Variants in RAD51B observed in about 807,000 individuals in gnomAD.
The protein encoded by RAD51B is RAD51 paralog B, also known as DNA repair protein RAD51 homolog 2.
In RAD51B, 38 loss-of-function variants were observed where a neutral mutation model predicts 42.2. The ratio of observed to expected loss-of-function variants is 0.90; its 90% confidence interval spans 0.70 to 1.18. The LOEUF (loss-of-function observed/expected upper bound fraction) is 1.18, where lower values mean the gene tolerates loss of function less well. Ranked by LOEUF, RAD51B falls within the 50% of genes most tolerant of loss-of-function variation. The pLI is 0.00. For missense variants in RAD51B, 373 were observed against 400.7 expected, an observed-to-expected ratio of 0.93 and a Z score of 0.59; for synonymous variants, 154 against 145.2, an observed-to-expected ratio of 1.06 and a Z score of -0.43.
At chr14:68,650,832 A>G (rs769649215) in exon 11 of RAD51B, 74 of 760,348 alleles carry the variant, frequency 9.7e-5, no homozygotes, top group Non-Finnish European at 1.1e-4. Context: ...AGACTAAAAG[A>G]AAATGAGTCC....
intron 8 of RAD51B, among the ~76,000 whole-genome samples, chr14:68,362,652 A>G (rs1254990521): frequency 1.3e-5 from 2 of 152,162 alleles, no homozygotes; most frequent in Non-Finnish European, 2.9e-5. Flanking sequence ...GATCGAGACC[A>G]TCCTGGCTAA....
chr14:67,906,972 G>A (rs2043800589), intron 7 of RAD51B, among the ~76,000 whole-genome samples: 1 of 151,952 alleles, frequency 6.6e-6, no homozygotes, highest in African/African-American at 2.4e-5. Flanking sequence ...ACCATACCCG[G>A]CTAATTTTGT....
At chr14:68,228,182 A>G (rs903473656) in intron 7 of RAD51B, among the ~76,000 whole-genome samples, 1 of 152,160 alleles carries the variant, frequency 6.6e-6, no homozygotes, top group African/African-American at 2.4e-5. Context: ...CCCAAAGCCC[A>G]TGATCACTAT....
rs139483559 is a variant in RAD51B, at chr14:68,561,280, G to A, written c.1037-33205G>A. ...GGACCTCAAATTTAAGGATCATTTA[G>A]GGGGCTTATTAAAAATATCGGTTTC... is the stretch of plus-strand genomic sequence containing the variant. On this transcript the variant is annotated intron_variant, in intron 10 of 10. Coordinates refer to the RAD51B transcript ENST00000487270. 2.8e-3 allele frequency among the ~76,000 whole-genome samples: 424 copies of A among 152,286 alleles called. 2 individuals carry two copies. The highest frequency in any genetic ancestry group is 9.9e-3 in the African/African-American group (410 of 41,550).
intron 4 of RAD51B, among the ~76,000 whole-genome samples, chr14:67,847,444 G>A (rs566439172): frequency 1.2e-3 from 177 of 145,324 alleles, no homozygotes; most frequent in African/African-American, 4.3e-3. Context: ...TCTTAATACT[G>A]CTTTAGCTGC....
At chr14:67,833,765 T>G (rs1191856158) in intron 3 of RAD51B, among the ~76,000 whole-genome samples, 1 of 152,216 alleles carries the variant, frequency 6.6e-6, no homozygotes, top group African/African-American at 2.4e-5. Context: ...AGTGAAACCG[T>G]GGATAAGGGG....
chr14:68,083,805 T>C (rs1222978339), intron 7 of RAD51B, among the ~76,000 whole-genome samples: 2 of 152,196 alleles, frequency 1.3e-5, no homozygotes, highest in African/African-American at 2.4e-5. Flanking sequence ...TTATTTTTTA[T>C]CTTGAGAATG....
chr14:68,646,447 C>T (rs183166148), intron 10 of RAD51B, among the ~76,000 whole-genome samples: 41 of 152,222 alleles, frequency 2.7e-4, no homozygotes, highest in African/African-American at 9.4e-4. Flanking sequence ...CTTGTCAAGC[C>T]ATAAGAACTC....
At chr14:68,178,149 G>A (rs1054154660) in intron 7 of RAD51B, among the ~76,000 whole-genome samples, 1 of 151,810 alleles carries the variant, frequency 6.6e-6, no homozygotes, top group Non-Finnish European at 1.5e-5. Context: ...ATCTCTTTGC[G>A]GATCAAACAC....
At chr14:68,648,053 G>T (rs1210378174) in intron 10 of RAD51B, among the ~76,000 whole-genome samples, 2 of 77,388 alleles carry the variant, frequency 2.6e-5, no homozygotes, top group South Asian at 4.5e-4. Flanking sequence ...GTATATAGAT[G>T]TGTGTGTGTA....
chr14:68,456,642 T>G (rs1033060508), intron 9 of RAD51B, among the ~76,000 whole-genome samples: 3 of 152,074 alleles, frequency 2.0e-5, no homozygotes, highest in African/African-American at 7.2e-5. Context: ...AGCTGGAGGC[T>G]TCAATACCCC....
chr14:68,223,189 T>C (rs1018723657), intron 7 of RAD51B, among the ~76,000 whole-genome samples: 2 of 152,238 alleles, frequency 1.3e-5, no homozygotes, highest in Non-Finnish European at 2.9e-5. Flanking sequence ...CCCTCGTCCT[T>C]TCCTCCCATT....
chr14:68,673,790 A>G (rs117427424), intron 11 of RAD51B, among the ~76,000 whole-genome samples: 17,877 of 150,820 alleles, frequency 0.12, 1,192 homozygotes, highest in Middle Eastern at 0.19. Context: ...TACACATACT[A>G]TATGCACACA....
At chr14:68,653,663 C>T (rs1892749154) in intron 11 of RAD51B, among the ~76,000 whole-genome samples, 1 of 152,218 alleles carries the variant, frequency 6.6e-6, no homozygotes, top group African/African-American at 2.4e-5. Context: ...GAGCCAAAAT[C>T]ACCCCAATTT....
chr14:68,546,520 G>C lies in RAD51B; in HGVS notation c.1037-47965G>C, dbSNP rs537415454. Among the ~76,000 whole-genome samples the C allele has an allele frequency of 1.8e-4, 28 of 152,334 alleles. 1 individual carries two copies. Among genetic ancestry groups the C allele is most frequent in the Admixed American group, 9.1e-4 (14 of 15,302 alleles). On this transcript the variant is annotated intron_variant, in intron 10 of 10. Transcript: ENST00000487270. ...GACAACCATAGAATGTTCCACTAGA[G>C]ATGTCCAGTAGACAGTTGGAAATAT...
intron 10 of RAD51B, among the ~76,000 whole-genome samples, chr14:68,591,416 A>G (rs1260777459): frequency 6.6e-6 from 1 of 152,222 alleles, no homozygotes; most frequent in African/African-American, 2.4e-5. Context: ...GAGCCACCTC[A>G]TTGGCTTTTC....
intron 10 of RAD51B, among the ~76,000 whole-genome samples, chr14:68,513,419 T>C (rs1338227482): frequency 6.6e-6 from 1 of 152,140 alleles, no homozygotes; most frequent in East Asian, 1.9e-4. Context: ...AACCTGTGAG[T>C]CATATAAGCC....
chr14:68,616,500 A>G (rs1413878968), downstream of RAD51B, among the ~76,000 whole-genome samples: 1 of 152,116 alleles, frequency 6.6e-6, no homozygotes, highest in Non-Finnish European at 1.5e-5. Context: ...TTTTCAGACT[A>G]CTTTTAAGAT....
intron 8 of RAD51B, among the ~76,000 whole-genome samples, chr14:68,322,200 C>G (rs1218321270): frequency 6.6e-6 from 1 of 152,166 alleles, no homozygotes; most frequent in Non-Finnish European, 1.5e-5. Flanking sequence ...GCATGAAGAA[C>G]TATGTTCGAC....
Sources: allele counts gnomAD v4.1 joint callset (sites outside exome capture counted in the v4.1 genomes callset), GRCh38; gene constraint gnomAD v4.1.1; transcripts MANE v1.5; gene names NCBI Gene and HGNC (gene_info 2026-07-23, HGNC 2026-07-21).